Variants in PLEKHA5 observed in about 807,000 individuals in gnomAD.
PLEKHA5 encodes pleckstrin homology domain containing A5.
Under a neutral mutation model 181.9 loss-of-function variants are expected in PLEKHA5, and 55 were observed. The observed-to-expected ratio is 0.30, with a 90% CI of 0.24 to 0.38. The LOEUF is 0.38. Ranked by LOEUF, PLEKHA5 falls within the 10% of genes least tolerant of loss-of-function variation. PLEKHA5 has a pLI of 1.00. For missense variants in PLEKHA5, 1,432 were observed against 1,549.5 expected, an observed-to-expected ratio of 0.92 and a Z score of 1.27; for synonymous variants, 535 against 529.4, an observed-to-expected ratio of 1.01 and a Z score of -0.15.
chr12:19,145,400 C>T (rs1383829173), intron 3 of PLEKHA5, among the ~76,000 whole-genome samples: 1 of 152,118 alleles, frequency 6.6e-6, no homozygotes, highest in Non-Finnish European at 1.5e-5. Context: ...TTCCCTTCTA[C>T]CCCATACTCT....
At chr12:19,162,817 T>C (rs2043283617) in intron 3 of PLEKHA5, among the ~76,000 whole-genome samples, 1 of 152,124 alleles carries the variant, frequency 6.6e-6, no homozygotes, top group South Asian at 2.1e-4. Flanking sequence ...AGTAAAGTGG[T>C]ATAATTATGG....
intron 16 of PLEKHA5, among the ~76,000 whole-genome samples, chr12:19,317,482 A>C (rs2089284326): frequency 6.6e-6 from 1 of 152,094 alleles, no homozygotes; most frequent in Non-Finnish European, 1.5e-5. Flanking sequence ...TTGTCCTAAA[A>C]GATGCAATAT....
chr12:19,290,603 G>T, intron 13 of PLEKHA5, 74 bp from the exon 14 acceptor site: 1 of 1,390,260 alleles, frequency 7.2e-7, no homozygotes. Flanking sequence ...AGAAATCTTG[G>T]TTTAATATCT....
chr12:19,290,667 ACTC>A lies in PLEKHA5; in HGVS notation c.1864-7_1864-5del. ...TCCACTGTTTGGATTCTTAAATTGT[ACTC>A]CTTCAGCCAGAGGAGCTTACGCTGC... is the stretch of plus-strand genomic sequence containing the variant. On this transcript the variant is annotated splice_region_variant and splice_polypyrimidine_tract_variant and intron_variant, in intron 13 of 31. Transcript: ENST00000429027. 1 of 1,528,822 alleles carries A rather than the reference ACTC, an allele frequency of 6.5e-7. No homozygotes were observed. Among genetic ancestry groups the A allele is most frequent in the South Asian group, 1.2e-5 (1 of 83,206 alleles). 94.7% of individuals were successfully genotyped at this position (1,528,822 alleles called of 1,614,324 possible). A position where few individuals can be genotyped will look rare whatever the true frequency, so the allele number is the denominator to read the frequency against.
At position 19,322,331 on chromosome 12, in the gene PLEKHA5, GAAC is replaced by G; in HGVS notation, c.2242_2244del (p.Gln748del). ...CTAGGCCAAGTTAAGCCGATTATGT[GAAC>G]AAGATAAAGTGGTGCATGCTCTGGA... On this transcript the variant is annotated inframe_deletion, in exon 19 of 32. Coordinates refer to ENST00000429027, the MANE Select transcript of PLEKHA5 (RefSeq NM_001256470.2). 6.2e-7 allele frequency: 1 copy of G among 1,613,234 alleles called. No individual in the cohort carries two copies. The highest frequency in any genetic ancestry group is 8.5e-7 in the Non-Finnish European group (1 of 1,179,320).
At chr12:19,235,739 A>G (rs1318645914) in intron 3 of PLEKHA5, among the ~76,000 whole-genome samples, 1 of 152,154 alleles carries the variant, frequency 6.6e-6, no homozygotes, top group Non-Finnish European at 1.5e-5. Context: ...TTCTGTGTGA[A>G]TAGGCATATG....
chr12:19,312,032 A>C (rs2086727858), intron 15 of PLEKHA5, among the ~76,000 whole-genome samples: 1 of 152,188 alleles, frequency 6.6e-6, no homozygotes, highest in Admixed American at 6.5e-5. Flanking sequence ...AACCACATTC[A>C]TCCACTTACA....
intron 3 of PLEKHA5, among the ~76,000 whole-genome samples, chr12:19,167,964 T>G (rs927365144): frequency 2.0e-4 from 30 of 152,240 alleles, no homozygotes; most frequent in African/African-American, 7.2e-4. Context: ...AATTCCATAT[T>G]TAATCACAGC....
intron 15 of PLEKHA5, chr12:19,303,836 T>C (rs1222210555): frequency 5.9e-5 from 8 of 135,830 alleles, no homozygotes; most frequent in East Asian, 4.6e-4. Context: ...TTTTTTTTTT[T>C]CTTGAGACAT....
chr12:19,310,372 G>A lies in PLEKHA5; in HGVS notation c.2038-4442G>A, dbSNP rs544004657. ...TGCCTGTAATCCCAGCACTTTGGGA[G>A]GCCGAGGCAGGTGAATCATCTTAGG... On this transcript the variant is annotated intron_variant, in intron 15 of 31. Coordinates refer to ENST00000429027, the MANE Select transcript of PLEKHA5 (RefSeq NM_001256470.2). Among the ~76,000 whole-genome samples, 316 of 150,074 alleles carry A rather than the reference G, an allele frequency of 2.1e-3. 1 individual carries two copies. The highest frequency in any genetic ancestry group is 5.9e-3 in the Admixed American group (89 of 15,112).
intron 4 of PLEKHA5, 49 bp downstream of exon 4, chr12:19,254,072 T>G: frequency 9.6e-7 from 1 of 1,041,412 alleles, no homozygotes; most frequent in East Asian, 2.4e-5. Flanking sequence ...TGGGTTAGCA[T>G]TGAAATTGCT....
intron 3 of PLEKHA5, among the ~76,000 whole-genome samples, chr12:19,200,157 A>G (rs1483020649): frequency 6.6e-6 from 1 of 152,222 alleles, no homozygotes; most frequent in African/African-American, 2.4e-5. Flanking sequence ...CAGAAAAATG[A>G]TTAGTACTTG....
chr12:19,160,368 A>G (rs1052764977), intron 3 of PLEKHA5, among the ~76,000 whole-genome samples: 3 of 152,064 alleles, frequency 2.0e-5, no homozygotes, highest in Non-Finnish European at 4.4e-5. Flanking sequence ...TTAAACCAAA[A>G]GCTTTTTAAC....
intron 3 of PLEKHA5, among the ~76,000 whole-genome samples, chr12:19,206,931 A>G (rs1372529500): frequency 6.6e-6 from 1 of 152,170 alleles, no homozygotes; most frequent in Non-Finnish European, 1.5e-5. Context: ...ATAGTTTCTA[A>G]AGCAATAAAA....
intron 15 of PLEKHA5, among the ~76,000 whole-genome samples, chr12:19,302,905 AAT>A (rs2081969414): frequency 3.8e-5 from 4 of 106,624 alleles, no homozygotes; most frequent in East Asian, 6.0e-4. Flanking sequence ...TTCTGTATGA[AAT>A]TTTTTTTTTT....
chr12:19,323,249 G>A (rs924776543), intron 20 of PLEKHA5, among the ~76,000 whole-genome samples: 6 of 152,036 alleles, frequency 3.9e-5, no homozygotes, highest in Non-Finnish European at 1.5e-5. Flanking sequence ...TAGTCTGGAT[G>A]TGGTGGCTCA....
intron 20 of PLEKHA5, among the ~76,000 whole-genome samples, chr12:19,327,235 G>T: frequency 7.0e-6 from 1 of 141,896 alleles, no homozygotes. Flanking sequence ...AGTCTTGCCA[G>T]CATCTGTTTT....
chr12:19,328,718 C>T (rs1458776256), intron 20 of PLEKHA5, among the ~76,000 whole-genome samples: 2 of 152,026 alleles, frequency 1.3e-5, no homozygotes, highest in Non-Finnish European at 2.9e-5. Flanking sequence ...AGTCATTTAT[C>T]AGTTGTAGGA....
chr12:19,288,354 A>G (rs1011582060), intron 13 of PLEKHA5, among the ~76,000 whole-genome samples: 3 of 152,176 alleles, frequency 2.0e-5, no homozygotes, highest in African/African-American at 7.2e-5. Context: ...TTACCATTTC[A>G]TTGTCAGTGT....
Sources: gnomAD v4.1 joint callset for allele counts (sites outside exome capture counted in the v4.1 genomes callset) on GRCh38, gnomAD v4.1.1 for gene constraint, MANE v1.5 for transcripts, NCBI Gene and HGNC (gene_info 2026-07-23, HGNC 2026-07-21) for gene names.